The following SERPINB3 variants were observed in gnomAD, a reference collection of about 807,000 sequenced individuals.
SERPINB3 encodes serpin B3.
In SERPINB3, 33 loss-of-function variants were observed where a neutral mutation model predicts 33.0. The ratio of observed to expected loss-of-function variants is 1.00; its 90% CI spans 0.76 to 1.34. The LOEUF is 1.34. Among genes scored for constraint, SERPINB3 ranks in the 40% most tolerant of loss-of-function variants. The pLI is 0.00. For missense variants in SERPINB3, 518 were observed against 461.5 expected (o/e 1.12, Z -1.12); for synonymous variants, 200 against 170.9 (o/e 1.17, Z -1.33).
chr18:63,657,246 A>T, intron 6 of SERPINB3, 24 bp downstream of exon 6: 1 of 1,231,510 alleles, frequency 8.1e-7, no homozygotes, highest in Non-Finnish European at 1.1e-6. Flanking sequence ...ATATTACATT[A>T]TATAAATAAA....
chr18:63,658,430 C>A, intron 5 of SERPINB3, 83 bp downstream of exon 5: 1 of 1,160,330 alleles, frequency 8.6e-7, no homozygotes. Context: ...AATTCCCACC[C>A]ATGGTCCCCC....
rs1177718366 is a variant in SERPINB3, at chr18:63,657,211, A to T, written c.612+59T>A. 4.0e-6 allele frequency: 4 copies of T among 1,000,890 alleles called. No homozygotes were observed. The East Asian group carries it at 1.1e-4, about 27-fold the overall frequency. 62.0% of individuals were successfully genotyped at this position (1,000,890 alleles called of 1,614,324 possible). On this transcript the variant is annotated intron_variant, in intron 6 of 7. Coordinates refer to ENST00000283752, the MANE Select transcript of SERPINB3 (RefSeq NM_006919.3). ...TTTTTTACTTGTCATGGTACATTCCATCAGAAATGTTTAAATTTATTAACA... is the reference window on the plus strand; with the variant it reads ...TTTTTTACTTGTCATGGTACATTCCTTCAGAAATGTTTAAATTTATTAACA...
chr18:63,660,782 T>C lies in SERPINB3; in HGVS notation c.222+18A>G, dbSNP rs373693198. Reference sequence around the variant, plus strand: ...TGTTCGGGGATCTAAAGCTGAACCATAGTGCTCTGTGACTCACATGATATG... The same window carrying C: ...TGTTCGGGGATCTAAAGCTGAACCACAGTGCTCTGTGACTCACATGATATG... On this transcript the variant is annotated intron_variant, in intron 3 of 7. Coordinates refer to ENST00000283752, the MANE Select transcript of SERPINB3 (RefSeq NM_006919.3). 1.2e-5 allele frequency: 19 copies of C among 1,613,130 alleles called. No individual in the cohort carries two copies. Among genetic ancestry groups the C allele is most frequent in the Non-Finnish European group, 1.4e-5 (17 of 1,179,498 alleles).
rs201128003 is a variant in SERPINB3, at chr18:63,655,914, C to A, written c.916G>T (p.Asp306Tyr). The A allele has an allele frequency of 6.8e-6, 11 of 1,613,946 alleles. No homozygotes were observed. The East Asian group carries it at 2.2e-4, about 33-fold the overall frequency. ...KDTLRTMGMV[D>Y]IFNGDADLSG... The stretch of plus-strand genomic sequence containing the variant: ...AGGTCTGCATCCCCATTGAAGATAT[C>A]CACCATTCCCATGGTTCTCAACGTG... Residue 306 changes from aspartate (D) to tyrosine (Y), a missense_variant, in exon 8 of 8, where the codon GAT becomes TAT. Transcript: ENST00000283752.
chr18:63,659,740 C>T (rs950928917), intron 3 of SERPINB3, among the ~76,000 whole-genome samples: 3 of 152,150 alleles, frequency 2.0e-5, no homozygotes, highest in Non-Finnish European at 2.9e-5. Flanking sequence ...CTCTAATGTA[C>T]TGCAATCTTT....
At chr18:63,660,243 C>T (rs1397714668) in intron 3 of SERPINB3, among the ~76,000 whole-genome samples, 2 of 152,094 alleles carry the variant, frequency 1.3e-5, no homozygotes, top group African/African-American at 4.8e-5. Context: ...GGCTCTAAAC[C>T]AATATATTCC....
rs1913610100 is a variant in SERPINB3, at chr18:63,660,388, CATTT to C, written c.222+408_222+411del. ...TATAGCTATTTTATAATAATAATAA[CATTT>C]ATTATGACATTTTATGGGCAAGGCA... On this transcript the variant is annotated intron_variant, in intron 3 of 7. Coordinates refer to ENST00000283752, the MANE Select transcript of SERPINB3 (RefSeq NM_006919.3). Among the ~76,000 whole-genome samples the C allele has an allele frequency of 2.0e-5, 3 of 152,012 alleles. 1 individual carries two copies. Among genetic ancestry groups the C allele is most frequent in the South Asian group, 4.1e-4 (2 of 4,824 alleles).
At chr18:63,660,899 G>C in intron 2 of SERPINB3, 43 bp from the exon 3 acceptor site, 1 of 1,612,880 alleles carries the variant, frequency 6.2e-7, no homozygotes, top group Non-Finnish European at 8.5e-7. Context: ...TTACTCAAAA[G>C]ATCTGTTTAA....
chr18:63,660,776 G>C, intron 3 of SERPINB3, 24 bp downstream of exon 3: 1 of 1,613,104 alleles, frequency 6.2e-7, no homozygotes, highest in Non-Finnish European at 8.5e-7. Context: ...ATCTAAAGCT[G>C]AACCATAGTG....
chr18:63,659,213 T>C (rs1913575216), intron 4 of SERPINB3, 186 bp downstream of exon 4: 1 of 645,800 alleles, frequency 1.5e-6, no homozygotes, highest in Admixed American at 2.7e-5. Flanking sequence ...CACACTTCAG[T>C]GATGTATTGT....
In SERPINB3 at chr18:63,655,773, C is replaced by T. The variant is rs769610583; in HGVS notation, c.1057G>A (p.Gly353Arg). The T allele has an allele frequency of 8.1e-6, 13 of 1,610,014 alleles. No individual in the cohort carries two copies. In the South Asian group the frequency reaches 8.8e-5, roughly 11 times the overall value. ...TCATTAGTTGAAGTAGGTGATGATC[C>T]GAATCCTACTACAGCGGTGGCAGCT... ...AAAATAVVGF[G>R]SSPTSTNEEF... Residue 353 changes from glycine to arginine, a missense_variant, in exon 8 of 8, where the codon GGA becomes AGA. By Grantham distance (125) the Gly-to-Arg change is moderately radical. Transcript: ENST00000283752.
chr18:63,655,691 C>T lies in SERPINB3; in HGVS notation c.1139G>A (p.Ser380Asn), dbSNP rs201183606. 6.2e-7 allele frequency: 1 copy of T among 1,613,218 alleles called. No homozygotes were observed. Among genetic ancestry groups the T allele is most frequent in the Non-Finnish European group, 8.5e-7 (1 of 1,179,548 alleles). Residue 380 changes from serine to asparagine, a missense_variant, in exon 8 of 8, where the codon AGC becomes AAC. Transcript: ENST00000283752. ...TGAGAATCTGCCATAGAAGAGGATG[C>T]TGTTGGTCTTATTTTGCCTTATGAA... ...LFFIRQNKTN[S>N]ILFYGRFSSP
At chr18:63,658,081 G>A (rs187695120) in intron 5 of SERPINB3, among the ~76,000 whole-genome samples, 1 of 152,226 alleles carries the variant, frequency 6.6e-6, no homozygotes, top group East Asian at 1.9e-4. Flanking sequence ...GGCAGCTCTA[G>A]TTCAGATGGC....
intron 3 of SERPINB3, 147 bp downstream of exon 3, chr18:63,660,653 T>G (rs1913617065): frequency 2.2e-6 from 2 of 922,980 alleles, no homozygotes; most frequent in Non-Finnish European, 3.4e-6. Context: ...TTATGTGCCA[T>G]GAAATGCCAA....
rs60533853 is a variant in SERPINB3 at position 63,655,777 on chromosome 18, T to TGCCA, written c.1052_1053insTGGC (p.Phe352GlyfsTer10). 16,692 of 1,613,820 alleles carry TGCCA rather than the reference T, an allele frequency of 0.01. 1,135 individuals carry two copies. The African/African-American group carries it at 0.17, about 16-fold the overall frequency. On this transcript the variant is annotated frameshift_variant, in exon 8 of 8. Coordinates refer to ENST00000283752, the MANE Select transcript of SERPINB3 (RefSeq NM_006919.3). LOFTEE classifies it low-confidence loss of function (END_TRUNC). ...TAGTTGAAGTAGGTGATGATCCGAA[T>TGCCA]CCTACTACAGCGGTGGCAGCTGCAG...
At chr18:63,657,046 T>C (rs1913517263) in intron 6 of SERPINB3, 60 bp from the exon 7 acceptor site, 5 of 1,423,544 alleles carry the variant, frequency 3.5e-6, no homozygotes, top group Middle Eastern at 1.8e-4. Flanking sequence ...AAAGATAATA[T>C]TATTGAGATA....
intron 5 of SERPINB3, among the ~76,000 whole-genome samples, chr18:63,657,963 G>T (rs968053174): frequency 2.0e-5 from 3 of 151,762 alleles, no homozygotes; most frequent in Non-Finnish European, 4.4e-5. Context: ...TGAGAGGTGG[G>T]AGGTAGGATA....
intron 7 of SERPINB3, among the ~76,000 whole-genome samples, chr18:63,656,444 T>C (rs1357640664): frequency 6.6e-6 from 1 of 152,216 alleles, no homozygotes; most frequent in Non-Finnish European, 1.5e-5. Context: ...TATTTTTCTG[T>C]ATACATTATT....
In SERPINB3 at chr18:63,655,835, G is replaced by A. The variant is rs142869415; in HGVS notation, c.995C>T (p.Ala332Val). The A allele has an allele frequency of 5.7e-5, 92 of 1,613,914 alleles. No homozygotes were observed. The African/African-American group carries it at 9.9e-4, about 17-fold the overall frequency. ...GLVLSGVLHK[A>V]FVEVTEEGAE... ...TCCCTCCTCTGTAACCTCCACAAAG[G>A]CCTTGTGTAGGACTCCAGATAGCAC... is the stretch of plus-strand genomic sequence containing the variant. Residue 332 changes from alanine (A) to valine (V), a missense_variant, in exon 8 of 8, where the codon GCC (alanine) becomes GTC (valine). Ala to Val is a moderately conservative substitution (Grantham distance 64, BLOSUM62 0). Coordinates refer to ENST00000283752, the MANE Select transcript of SERPINB3 (RefSeq NM_006919.3).
Sources: gnomAD v4.1 joint callset for allele counts (sites outside exome capture counted in the v4.1 genomes callset) on GRCh38, gnomAD v4.1.1 for gene constraint, MANE v1.5 for transcripts, NCBI Gene and HGNC (gene_info 2026-07-23, HGNC 2026-07-21) for gene names.